PKD2: variants seen among roughly 807,000 people sequenced by gnomAD.
PKD2 encodes polycystin 2, transient receptor potential cation channel.
In PKD2, 48 loss-of-function variants were observed where a neutral mutation model predicts 105.9. The observed-to-expected ratio is 0.45, with a 90% CI of 0.36 to 0.58. The LOEUF is 0.58. Ranked by LOEUF, PKD2 falls within the 20% of genes least tolerant of loss-of-function variation. PKD2 has a pLI of 0.00. For synonymous variants in PKD2, 464 were observed against 481.1 expected, an observed-to-expected ratio of 0.96 and a Z score of 0.46; for missense variants, 1,078 against 1,255.3, an observed-to-expected ratio of 0.86 and a Z score of 2.13.
chr4:88,063,215 A>G (rs2110135528), intron 10 of PKD2, among the ~76,000 whole-genome samples: 2 of 152,352 alleles, frequency 1.3e-5, no homozygotes, highest in Non-Finnish European at 1.5e-5. Flanking sequence ...CTTGTGTTCC[A>G]GTAATAAGCC....
At chr4:88,044,735 A>C (rs1026308945) in intron 5 of PKD2, among the ~76,000 whole-genome samples, 1 of 152,208 alleles carries the variant, frequency 6.6e-6, no homozygotes, top group African/African-American at 2.4e-5. Context: ...GTTGTGTGCC[A>C]GCATGTTGAC....
At chr4:88,068,094 G>T (rs760327248) in intron 13 of PKD2, 33 bp downstream of exon 13, 1 of 1,573,082 alleles carries the variant, frequency 6.4e-7, no homozygotes, top group Non-Finnish European at 8.8e-7. Flanking sequence ...AATTTGCGTT[G>T]ACAAGAGTCC....
At chr4:88,070,627 GAA>G (rs1280614015) in intron 13 of PKD2, among the ~76,000 whole-genome samples, 28 of 146,360 alleles carry the variant, frequency 1.9e-4, no homozygotes, top group South Asian at 4.3e-4. Flanking sequence ...GAGAGAGAGA[GAA>G]AGAGAGAGAG....
intron 9 of PKD2, among the ~76,000 whole-genome samples, chr4:88,059,995 G>T (rs1015508690): frequency 2.0e-4 from 31 of 152,306 alleles, no homozygotes; most frequent in Middle Eastern, 3.4e-3. Context: ...ACATCCTGGT[G>T]CAGATGTCCA....
At chr4:88,046,907 T>C (rs780261536) in intron 6 of PKD2, 37 bp downstream of exon 6, 9 of 1,175,380 alleles carry the variant, frequency 7.7e-6, no homozygotes, top group African/African-American at 1.5e-5. Flanking sequence ...CCTATTCTAT[T>C]CTACAAGCAT....
chr4:88,024,457 G>GAAAAAAAA (rs552942631), intron 2 of PKD2, among the ~76,000 whole-genome samples: 280 of 50,226 alleles, frequency 5.6e-3, no homozygotes, highest in Middle Eastern at 0.029. Flanking sequence ...ACTCTGTCTC[G>GAAAAAAAA]AAAAAAAAAA....
chr4:88,065,525 A>C (rs1720759186), intron 11 of PKD2, 30 bp downstream of exon 11: 1 of 1,610,088 alleles, frequency 6.2e-7, no homozygotes, highest in African/African-American at 1.3e-5. Flanking sequence ...AGGTTCTGAA[A>C]AATTCCTGCT....
At chr4:88,025,105 A>C (rs1003429733) in intron 2 of PKD2, among the ~76,000 whole-genome samples, 1 of 152,074 alleles carries the variant, frequency 6.6e-6, no homozygotes, top group African/African-American at 2.4e-5. Flanking sequence ...GCACCACTGC[A>C]TTCCAGCCTG....
intron 8 of PKD2, 45 bp downstream of exon 8, chr4:88,056,312 C>A: frequency 8.5e-7 from 1 of 1,169,708 alleles, no homozygotes; most frequent in South Asian, 1.3e-5. Context: ...TCAGAGTTGT[C>A]ACTGCTTCTC....
At chr4:88,011,807 C>A (rs1726389199) in intron 1 of PKD2, among the ~76,000 whole-genome samples, 1 of 142,940 alleles carries the variant, frequency 7.0e-6, no homozygotes, top group African/African-American at 2.6e-5. Context: ...TGCACAGTGA[C>A]TGATGAATTT....
At chr4:88,045,473 A>G (rs1001497148) in intron 5 of PKD2, among the ~76,000 whole-genome samples, 2 of 152,244 alleles carry the variant, frequency 1.3e-5, no homozygotes, top group African/African-American at 2.4e-5. Flanking sequence ...TGTGTCCTGT[A>G]TGCTCAGGTT....
intron 1 of PKD2, among the ~76,000 whole-genome samples, chr4:88,017,471 G>A (rs1726598257): frequency 6.6e-6 from 1 of 152,164 alleles, no homozygotes; most frequent in Non-Finnish European, 1.5e-5. Flanking sequence ...GTGCAGTGGT[G>A]TGATTTTGGC....
intron 1 of PKD2, among the ~76,000 whole-genome samples, chr4:88,009,445 C>T (rs1387635299): frequency 6.6e-6 from 1 of 151,878 alleles, no homozygotes; most frequent in South Asian, 2.1e-4. Flanking sequence ...ATTAGCTGTA[C>T]GACCTTGAGC....
chr4:88,032,466 G>C (rs896124729), intron 2 of PKD2, among the ~76,000 whole-genome samples: 1 of 152,146 alleles, frequency 6.6e-6, no homozygotes, highest in East Asian at 1.9e-4. Context: ...CACTTTGGCC[G>C]ATACTGTGGT....
chr4:88,036,325 C>T lies in PKD2; in HGVS notation c.815C>T (p.Thr272Ile). 6.2e-7 allele frequency: 1 copy of T among 1,613,962 alleles called. No homozygotes were observed. Residue 272 changes from threonine (T) to isoleucine (I), a missense_variant, in exon 3 of 15, where the codon ACT becomes ATT. Around this residue, in one of 2 missense-constraint regions of PKD2, gnomAD observed 868 missense variants for 1,067.3 expected, o/e 0.81. Transcript: ENST00000237596. ...VSKTEKTNFKTLSSMEDFWKF... is the reference protein window; with the variant it reads ...VSKTEKTNFKILSSMEDFWKF... ...AAAACGGAGAAAACTAACTTTAAAA[C>T]TCTGTCTTCCATGGAAGACTTCTGG...
At chr4:88,040,967 G>A (rs1727540698) in intron 4 of PKD2, among the ~76,000 whole-genome samples, 2 of 152,082 alleles carry the variant, frequency 1.3e-5, no homozygotes, top group Non-Finnish European at 2.9e-5. Flanking sequence ...TTCTAGTAGT[G>A]CCCTTGATGC....
At chr4:88,054,213 G>C (rs1037248560) in intron 7 of PKD2, among the ~76,000 whole-genome samples, 1 of 151,544 alleles carries the variant, frequency 6.6e-6, no homozygotes, top group Non-Finnish European at 1.5e-5. Context: ...GGCCAACATG[G>C]TGAAACCCTG....
At chr4:88,046,951 G>T in intron 6 of PKD2, 81 bp downstream of exon 6, 2 of 845,122 alleles carry the variant, frequency 2.4e-6, no homozygotes, top group South Asian at 1.4e-5. Context: ...TCAGCATTGT[G>T]GATCTTGATA....
intron 4 of PKD2, among the ~76,000 whole-genome samples, chr4:88,042,265 G>A (rs938593527): frequency 9.2e-5 from 14 of 152,316 alleles, no homozygotes; most frequent in African/African-American, 1.9e-4. Context: ...AGCAAGTCAC[G>A]TCTTACGTGG....
Sources: gnomAD v4.1 joint callset for allele counts (sites outside exome capture counted in the v4.1 genomes callset) on GRCh38, gnomAD v4.1.1 for gene constraint, gnomAD v4.1.1 regional missense constraint, MANE v1.5 for transcripts, NCBI Gene and HGNC (gene_info 2026-07-23, HGNC 2026-07-21) for gene names.